Variants in IQCJ observed in about 807,000 individuals in gnomAD.
The protein encoded by IQCJ is IQ domain-containing protein J.
In IQCJ, 9 loss-of-function variants were observed where a neutral mutation model predicts 11.0. That is an observed-to-expected ratio of 0.82 (90% CI 0.49 to 1.43). The LOEUF is 1.43. IQCJ is among the 40% of genes most tolerant of loss of function. The pLI is 0.00. For missense variants in IQCJ, 146 were observed against 133.2 expected (o/e 1.10, Z -0.47); for synonymous variants, 55 against 51.3 (o/e 1.07, Z -0.31).
chr3:159,193,590 T>G (rs1723811042), intron 1 of IQCJ, among the ~76,000 whole-genome samples: 1 of 152,192 alleles, frequency 6.6e-6, no homozygotes, highest in South Asian at 2.1e-4. Context: ...GGATCAAAGA[T>G]TCTGTAAGAA....
Position 159,112,892 on chromosome 3 carries a change from G to A in IQCJ, c.9+43451G>A, listed in dbSNP as rs576894108. 2.6e-5 allele frequency among the ~76,000 whole-genome samples: 4 copies of A among 152,342 alleles called. No individual in the cohort carries two copies. In the East Asian group the frequency reaches 7.7e-4, roughly 29 times the overall value. On this transcript the variant is annotated intron_variant, in intron 1 of 3. Transcript: ENST00000397832. ...AAAGAGAAGGTGTTTTCCCAATGGA[G>A]TAGAGACTACCAGCCTCTGACATGG... is the stretch of plus-strand genomic sequence containing the variant.
chr3:159,160,225 A>T (rs982394525), intron 1 of IQCJ, among the ~76,000 whole-genome samples: 8 of 152,052 alleles, frequency 5.3e-5, no homozygotes, highest in African/African-American at 1.4e-4. Flanking sequence ...CAACACTCAC[A>T]CCTTCATCCG....
chr3:159,164,537 G>T (rs544125750), intron 1 of IQCJ, among the ~76,000 whole-genome samples: 3 of 152,336 alleles, frequency 2.0e-5, no homozygotes, highest in South Asian at 4.1e-4. Flanking sequence ...TAAGGCCAAG[G>T]TGGGCGGATC....
chr3:159,265,238 G>A, downstream of IQCJ: 3 of 1,613,732 alleles, frequency 1.9e-6, no homozygotes, highest in Non-Finnish European at 2.5e-6. Context: ...CTGTTGGGAA[G>A]ATTCATCCTT....
intron 1 of IQCJ, among the ~76,000 whole-genome samples, chr3:159,116,208 T>TCC (rs1559991404): frequency 6.6e-6 from 1 of 151,640 alleles, no homozygotes; most frequent in South Asian, 2.1e-4. Flanking sequence ...CACTCCAGCC[T>TCC]GGACAACAGA....
chr3:159,167,599 C>T (rs907938777), intron 1 of IQCJ, among the ~76,000 whole-genome samples: 45 of 152,130 alleles, frequency 3.0e-4, no homozygotes, highest in African/African-American at 1.0e-3. Flanking sequence ...TTTAAAGCGT[C>T]ATGAATTGTT....
intron 1 of IQCJ, among the ~76,000 whole-genome samples, chr3:159,205,332 C>T (rs1037988385): frequency 6.6e-6 from 1 of 152,208 alleles, no homozygotes; most frequent in African/African-American, 2.4e-5. Flanking sequence ...TCTGTGTCCT[C>T]TCCCTGTAAA....
At chr3:159,192,968 C>T (rs1291638453) in intron 1 of IQCJ, among the ~76,000 whole-genome samples, 2 of 152,188 alleles carry the variant, frequency 1.3e-5, no homozygotes, top group Non-Finnish European at 2.9e-5. Context: ...CCATTTACCT[C>T]CTCTAAGATC....
At chr3:159,109,541 A>AG (rs1032250772) in intron 1 of IQCJ, among the ~76,000 whole-genome samples, 7 of 151,444 alleles carry the variant, frequency 4.6e-5, no homozygotes, top group African/African-American at 1.7e-4. Flanking sequence ...AAAAAAAAAA[A>AG]AAAAACCAGT....
rs557665936 is a variant in IQCJ at position 159,163,452 on chromosome 3, C to A, written c.10-82391C>A. ...AATAATAAGAGCTATCTATGACAAA[C>A]CCACAGCCAGTATCATACTGAATGG... On this transcript the variant is annotated intron_variant, in intron 1 of 3. Coordinates refer to ENST00000397832, the MANE Select transcript of IQCJ (RefSeq NM_001042706.3). Among the ~76,000 whole-genome samples, 36 of 152,294 alleles carry A rather than the reference C, an allele frequency of 2.4e-4. No homozygotes were observed. In the East Asian group the frequency reaches 6.6e-3, roughly 28 times the overall value.
At chr3:159,161,312 G>A (rs1406055090) in intron 1 of IQCJ, among the ~76,000 whole-genome samples, 2 of 152,124 alleles carry the variant, frequency 1.3e-5, no homozygotes, top group African/African-American at 4.8e-5. Flanking sequence ...GTGTTTTTTG[G>A]CTGCATAAAT....
chr3:159,222,791 C>A (rs1341206611), intron 1 of IQCJ, among the ~76,000 whole-genome samples: 2 of 151,758 alleles, frequency 1.3e-5, no homozygotes, highest in African/African-American at 4.9e-5. Context: ...ATATGTAAAT[C>A]AAAAGTTCAT....
chr3:159,109,854 C>T (rs1003281214), intron 1 of IQCJ, among the ~76,000 whole-genome samples: 2 of 152,314 alleles, frequency 1.3e-5, no homozygotes, highest in East Asian at 1.9e-4. Flanking sequence ...AAAAGTCCTA[C>T]CTGTTCTGAC....
chr3:159,165,343 C>T (rs1277610625), intron 1 of IQCJ, among the ~76,000 whole-genome samples: 1 of 152,146 alleles, frequency 6.6e-6, no homozygotes. Flanking sequence ...ATCATGTTAA[C>T]AGGGTCTTCT....
chr3:159,091,647 TACACACACAC>T (rs111512204), intron 1 of IQCJ, among the ~76,000 whole-genome samples: 5 of 133,926 alleles, frequency 3.7e-5, no homozygotes, highest in Non-Finnish European at 6.4e-5. Context: ...AAGGGGTATT[TACACACACAC>T]ACACACACAC....
intron 1 of IQCJ, among the ~76,000 whole-genome samples, chr3:159,116,643 T>TAC (rs1225218317): frequency 5.2e-5 from 2 of 38,488 alleles, no homozygotes; most frequent in Non-Finnish European, 1.0e-4. Context: ...TATATATATA[T>TAC]ATATATATAT....
intron 1 of IQCJ, among the ~76,000 whole-genome samples, chr3:159,124,154 CA>C (rs1719538837): frequency 6.6e-6 from 1 of 152,186 alleles, no homozygotes; most frequent in Non-Finnish European, 1.5e-5. Context: ...TATTTGCAGT[CA>C]GCCACTAGGT....
chr3:159,244,947 T>C (rs138807223), intron 1 of IQCJ, among the ~76,000 whole-genome samples: 2 of 152,248 alleles, frequency 1.3e-5, no homozygotes, highest in African/African-American at 4.8e-5. Flanking sequence ...CAGGGAATGG[T>C]GGTCTTCCCA....
At chr3:159,144,708 C>A (rs1720827773) in intron 1 of IQCJ, among the ~76,000 whole-genome samples, 1 of 151,378 alleles carries the variant, frequency 6.6e-6, no homozygotes, top group African/African-American at 2.4e-5. Context: ...TGCTGCATTT[C>A]AAATCATTGT....
Sources: allele counts gnomAD v4.1 joint callset (sites outside exome capture counted in the v4.1 genomes callset), GRCh38; gene constraint gnomAD v4.1.1; transcripts MANE v1.5; gene names NCBI Gene and HGNC (gene_info 2026-07-23, HGNC 2026-07-21).